Variants in SIAH1 observed in about 807,000 individuals in gnomAD.
SIAH1 encodes siah E3 ubiquitin protein ligase 1.
SIAH1 carries 2 observed loss-of-function variants against 20.0 expected under a neutral mutation model. The ratio of observed to expected loss-of-function variants is 0.10; its 90% CI spans 0.04 to 0.31. The LOEUF (loss-of-function observed/expected upper bound fraction) is 0.31, where lower values mean the gene tolerates loss of function less well. SIAH1 is among the 10% of genes least tolerant of loss of function. The pLI is 1.00. For synonymous variants in SIAH1, 118 were observed against 125.3 expected (o/e 0.94, Z 0.39); for missense variants, 119 against 355.3 (o/e 0.33, Z 5.35).
intron 1 of SIAH1, among the ~76,000 whole-genome samples, chr16:48,371,408 T>G (rs1011803199): frequency 2.0e-4 from 31 of 152,268 alleles, no homozygotes; most frequent in Non-Finnish European, 3.4e-4. Context: ...ATTCAAAACA[T>G]CTTTTCCATA....
At chr16:48,371,121 A>G (rs1960977040) in intron 1 of SIAH1, among the ~76,000 whole-genome samples, 2 of 151,986 alleles carry the variant, frequency 1.3e-5, no homozygotes, top group Admixed American at 1.3e-4. Context: ...TCTCAAAAAA[A>G]AAAAAAAAAA....
chr16:48,377,521 TG>T (rs775844090), intron 1 of SIAH1, among the ~76,000 whole-genome samples: 143 of 152,002 alleles, frequency 9.4e-4, no homozygotes, highest in Non-Finnish European at 1.7e-3. Flanking sequence ...TCCGAGTAGC[TG>T]GAATTACAGG....
intron 1 of SIAH1, among the ~76,000 whole-genome samples, chr16:48,369,059 C>A (rs1293849484): frequency 6.6e-6 from 1 of 152,138 alleles, no homozygotes; most frequent in East Asian, 1.9e-4. Context: ...TTGCTTCTTA[C>A]ACAATGACAA....
chr16:48,379,925 T>C (rs1159365703), intron 1 of SIAH1, among the ~76,000 whole-genome samples: 2 of 152,072 alleles, frequency 1.3e-5, no homozygotes, highest in African/African-American at 4.8e-5. Context: ...ATCAAGAACT[T>C]AGAACTTTAC....
In SIAH1 at chr16:48,383,442, A is replaced by G. The variant is rs111672046; in HGVS notation, c.-3+1762T>C. Among the ~76,000 whole-genome samples, 1,063 of 152,322 alleles carry G rather than the reference A, an allele frequency of 7.0e-3. 15 individuals are homozygous for G. Among genetic ancestry groups the G allele is most frequent in the African/African-American group, 0.024 (1,013 of 41,562 alleles). ...CCTCTCCACCATAATTTGAGCCAAC[A>G]ACTCCCAGATAAAATTACCAGACCA... On this transcript the variant is annotated intron_variant, in intron 1 of 1. Coordinates refer to ENST00000394725, the MANE Select transcript of SIAH1 (RefSeq NM_003031.4).
intron 1 of SIAH1, among the ~76,000 whole-genome samples, chr16:48,364,649 C>T (rs906301741): frequency 6.6e-6 from 1 of 152,192 alleles, no homozygotes; most frequent in Non-Finnish European, 1.5e-5. Context: ...GTACATATGA[C>T]ATCCATTTTA....
In SIAH1 at chr16:48,385,340, T is replaced by G; in HGVS notation, c.-139A>C. ...GGACACCCTGGGCCGCCGCCGCCTC[T>G]CGAGAGCGCGCCCCGCAACGGCCGC... is the stretch of plus-strand genomic sequence containing the variant. On this transcript the variant is annotated 5_prime_UTR_variant, in exon 1 of 2. Transcript: ENST00000394725. 6.3e-6 allele frequency: 1 copy of G among 158,434 alleles called. No individual in the cohort carries two copies. The highest frequency in any genetic ancestry group is 1.4e-5 in the Non-Finnish European group (1 of 73,250). The allele number at this position is 158,434 out of a possible 1,614,324, so 9.8% of individuals were successfully genotyped here.
rs748161258 is a variant in SIAH1 at position 48,362,487 on chromosome 16, A to G, written c.-2-57T>C. On this transcript the variant is annotated intron_variant, in intron 1 of 1. Transcript: ENST00000394725. The surrounding 1 kb of genome is among the most constrained non-coding windows in gnomAD (Gnocchi z 4.2). The stretch of plus-strand genomic sequence containing the variant: ...AATAATTATAACCATGACTTACTTT[A>G]TAAATAATGTTTACATGCCATAAGT... 1.9e-6 allele frequency: 3 copies of G among 1,563,216 alleles called. No homozygotes were observed. Among genetic ancestry groups the G allele is most frequent in the Non-Finnish European group, 1.8e-6 (2 of 1,140,852 alleles).
upstream of SIAH1, chr16:48,385,527 C>CACAGGCGT (rs1168013119): frequency 6.6e-6 from 1 of 151,846 alleles, no homozygotes; most frequent in Non-Finnish European, 1.5e-5. Context: ...CGCGCAGGCG[C>CACAGGCGT]ACAGGCGTTG....
At chr16:48,370,131 T>A (rs1960946459) in intron 1 of SIAH1, among the ~76,000 whole-genome samples, 1 of 152,216 alleles carries the variant, frequency 6.6e-6, no homozygotes, top group South Asian at 2.1e-4. Flanking sequence ...TCTGATATGC[T>A]AAAGCATTTT....
chr16:48,385,184 T>C lies in SIAH1; in HGVS notation c.-3+20A>G. The stretch of plus-strand genomic sequence containing the variant: ...GAGCCCCTCGCCGCCGGCTCCTCCC[T>C]CAGGCCGGGCCCCACTTACCTGTGG... On this transcript the variant is annotated intron_variant, in intron 1 of 1. Transcript: ENST00000394725. The C allele has an allele frequency of 3.5e-6, 1 of 282,940 alleles. No individual in the cohort carries two copies. 17.5% of individuals were successfully genotyped at this position (282,940 alleles called of 1,614,324 possible). A position where few individuals can be genotyped will look rare whatever the true frequency, so the allele number is the denominator to read the frequency against.
At chr16:48,367,081 G>T (rs981477202) in intron 1 of SIAH1, among the ~76,000 whole-genome samples, 2 of 152,084 alleles carry the variant, frequency 1.3e-5, no homozygotes, top group African/African-American at 4.8e-5. Flanking sequence ...AATTTTCTTT[G>T]TAAAGATAGG....
chr16:48,361,785 C>T lies in SIAH1; in HGVS notation c.644G>A (p.Arg215His). The T allele has an allele frequency of 3.1e-6, 5 of 1,614,136 alleles. No individual in the cohort carries two copies. Among genetic ancestry groups the T allele is most frequent in the Non-Finnish European group, 4.2e-6 (5 of 1,180,022 alleles). Residue 215 changes from arginine to histidine, a missense_variant, in exon 2 of 2, where the codon CGC becomes CAC. Physicochemically the swap from Arg to His is conservative, Grantham distance 29. Coordinates refer to ENST00000394725, the MANE Select transcript of SIAH1 (RefSeq NM_003031.4). ...GTAAGCAAAATTTTCAGCTTGCTTG[C>T]GTGTTCCTATCAGCTGTACGATTGC... is the stretch of plus-strand genomic sequence containing the variant. ...FFAIVQLIGT[R>H]KQAENFAYRL...
At chr16:48,379,720 G>C (rs73562076) in intron 1 of SIAH1, among the ~76,000 whole-genome samples, 1 of 152,144 alleles carries the variant, frequency 6.6e-6, no homozygotes, top group Non-Finnish European at 1.5e-5. Context: ...CAGTGGGACC[G>C]AGCAGAGTGC....
chr16:48,379,779 G>A (rs945938994), intron 1 of SIAH1, among the ~76,000 whole-genome samples: 5 of 152,210 alleles, frequency 3.3e-5, no homozygotes, highest in South Asian at 2.1e-4. Flanking sequence ...AGTTCACAAA[G>A]AGCTTCTCAG....
upstream of SIAH1, chr16:48,385,550 G>GCGGCCTCCGC (rs1407554588): frequency 1.3e-5 from 2 of 151,626 alleles, no homozygotes; most frequent in African/African-American, 4.8e-5. Context: ...GCGGCCGGCG[G>GCGGCCTCCGC]CGGCCTCCGC....
rs1332476731 is a variant in SIAH1 at position 48,377,678 on chromosome 16, G to A, written c.-3+7526C>T. ...CCCAAAGTGCTGGGATTACAGGCGT[G>A]AGCCGCCACGCTGAGCCTCCTGAAG... On this transcript the variant is annotated intron_variant, in intron 1 of 1. Coordinates refer to ENST00000394725, the MANE Select transcript of SIAH1 (RefSeq NM_003031.4). 4.6e-5 allele frequency among the ~76,000 whole-genome samples: 7 copies of A among 152,074 alleles called. No individual in the cohort carries two copies. The East Asian group carries it at 1.4e-3, about 29-fold the overall frequency.
intron 1 of SIAH1, among the ~76,000 whole-genome samples, chr16:48,382,704 C>T (rs1051689344): frequency 2.0e-5 from 3 of 152,112 alleles, no homozygotes; most frequent in African/African-American, 7.2e-5. Context: ...CAAAAAATAT[C>T]TAGATTTTAA....
At chr16:48,367,565 T>G (rs964512338) in intron 1 of SIAH1, among the ~76,000 whole-genome samples, 7 of 152,236 alleles carry the variant, frequency 4.6e-5, no homozygotes, top group African/African-American at 1.7e-4. Flanking sequence ...ATGTGTATCA[T>G]GGATGGTACA....
Sources: allele counts gnomAD v4.1 joint callset (sites outside exome capture counted in the v4.1 genomes callset), GRCh38; gene constraint gnomAD v4.1.1; non-coding constraint Gnocchi (gnomAD v3.1); transcripts MANE v1.5; gene names NCBI Gene and HGNC (gene_info 2026-07-23, HGNC 2026-07-21).